ADAM29: variants seen among roughly 807,000 people sequenced by gnomAD.
ADAM29 encodes the protein disintegrin and metalloproteinase domain-containing protein 29.
For synonymous variants in ADAM29, 367 were observed against 342.3 expected (o/e 1.07, Z -0.80); for missense variants, 969 against 1,001.8 (o/e 0.97, Z 0.44).
intron 2 of ADAM29, among the ~76,000 whole-genome samples, chr4:174,930,393 G>C (rs1341389019): frequency 6.6e-6 from 1 of 152,084 alleles, no homozygotes; most frequent in Non-Finnish European, 1.5e-5. Flanking sequence ...TGAGTAACTT[G>C]AGTTCATTCA....
intron 4 of ADAM29, among the ~76,000 whole-genome samples, chr4:174,940,601 C>CG (rs2110971239): frequency 6.6e-6 from 1 of 152,222 alleles, no homozygotes; most frequent in African/African-American, 2.4e-5. Flanking sequence ...ATTTTGCCAA[C>CG]ATTCCTTGCC....
Position 174,977,819 on chromosome 4 carries a change from C to G in ADAM29, c.2294C>G (p.Pro765Arg). The G allele has an allele frequency of 6.3e-7, 1 of 1,586,854 alleles. No individual in the cohort carries two copies. The highest frequency in any genetic ancestry group is 8.6e-7 in the Non-Finnish European group (1 of 1,162,402). ...TCCCAGAGTCAACCTCCTGTGACACCCTCCCAGAGTCAACCTCGGGTGATG... is the reference window on the plus strand; with the variant it reads ...TCCCAGAGTCAACCTCCTGTGACACGCTCCCAGAGTCAACCTCGGGTGATG... ...MPSQSQPPVT[P>R]SQSQPRVMPS... is the part of the protein sequence containing the mutation. The change falls in exon 5 of 5, where the codon CCC becomes CGC. Residue 765 changes from proline (P) to arginine (R), a missense_variant. Pro to Arg is a moderately radical substitution (Grantham distance 103). Coordinates refer to ENST00000359240, the MANE Select transcript of ADAM29 (RefSeq NM_014269.4).
At chr4:174,955,916 A>G (rs568916810) in intron 4 of ADAM29, among the ~76,000 whole-genome samples, 47 of 152,142 alleles carry the variant, frequency 3.1e-4, no homozygotes, top group Admixed American at 2.8e-3. Flanking sequence ...CTGCAATTGA[A>G]ATTAGATATG....
In ADAM29 at chr4:174,943,526, G is replaced by A. The variant is rs146834057; in HGVS notation, c.-181+6513G>A. On this transcript the variant is annotated intron_variant, in intron 4 of 4. Coordinates refer to ENST00000359240, the MANE Select transcript of ADAM29 (RefSeq NM_014269.4). ...TATATAGCAGCAGGAAAGAGAGAGAGCAAGGGAGGATCATCGCTTTCCATC... is the reference window on the plus strand; with the variant it reads ...TATATAGCAGCAGGAAAGAGAGAGAACAAGGGAGGATCATCGCTTTCCATC... Among the ~76,000 whole-genome samples the A allele has an allele frequency of 3.1e-4, 47 of 152,294 alleles. No homozygotes were observed. In the East Asian group the frequency reaches 7.3e-3, roughly 24 times the overall value.
chr4:174,959,186 G>A (rs1166762793), intron 4 of ADAM29, among the ~76,000 whole-genome samples: 1 of 151,730 alleles, frequency 6.6e-6, no homozygotes, highest in Non-Finnish European at 1.5e-5. Flanking sequence ...GTTTTGGTTT[G>A]AGAATATTAC....
intron 2 of ADAM29, among the ~76,000 whole-genome samples, chr4:174,928,099 C>T (rs895162195): frequency 1.3e-5 from 2 of 152,078 alleles, no homozygotes; most frequent in African/African-American, 4.8e-5. Flanking sequence ...CTGCTTAAAA[C>T]GTTTTCCCTA....
At chr4:174,967,009 A>C (rs1391761101) in intron 4 of ADAM29, among the ~76,000 whole-genome samples, 1 of 152,066 alleles carries the variant, frequency 6.6e-6, no homozygotes, top group Admixed American at 6.6e-5. Context: ...TTGTGTACAT[A>C]CTTGTATAGA....
rs1316743835 is a variant in ADAM29 at position 174,925,692 on chromosome 4, A to G, written c.-451+4900A>G. Among the ~76,000 whole-genome samples, 3 of 152,336 alleles carry G rather than the reference A, an allele frequency of 2.0e-5. No homozygotes were observed. The East Asian group carries it at 5.8e-4, about 29-fold the overall frequency. On this transcript the variant is annotated intron_variant, in intron 2 of 4. Coordinates refer to ENST00000359240, the MANE Select transcript of ADAM29 (RefSeq NM_014269.4). ...CCAAAATTAAAATGCCAGGAGAAGT[A>G]TCCATTTCAAAGGGAAAAGGAAGTG...
chr4:174,925,187 G>A (rs1444936604), intron 2 of ADAM29, among the ~76,000 whole-genome samples: 1 of 152,146 alleles, frequency 6.6e-6, no homozygotes, highest in Non-Finnish European at 1.5e-5. Context: ...TCCTGGATGG[G>A]ACCTTGGAAT....
chr4:174,975,434 A>G lies in ADAM29; in HGVS notation c.-92A>G. 7.5e-7 allele frequency: 1 copy of G among 1,328,460 alleles called. No homozygotes were observed. Among genetic ancestry groups the G allele is most frequent in the East Asian group, 2.4e-5 (1 of 41,836 alleles). The allele number at this position is 1,328,460 out of a possible 1,614,324, so 82.3% of individuals were successfully genotyped here. On this transcript the variant is annotated 5_prime_UTR_variant, in exon 5 of 5. Transcript: ENST00000359240. ...TGACCAACTCAGAAGAAGGAGCCACACCACCTGTGACTCCAGCCCTGACTT... is the reference window on the plus strand; with the variant it reads ...TGACCAACTCAGAAGAAGGAGCCACGCCACCTGTGACTCCAGCCCTGACTT...
chr4:174,952,695 T>G (rs1278493853), intron 4 of ADAM29, among the ~76,000 whole-genome samples: 1 of 150,960 alleles, frequency 6.6e-6, no homozygotes, highest in Non-Finnish European at 1.5e-5. Context: ...GTACATGTGT[T>G]TCTGGTATTC....
chr4:174,962,576 T>C (rs546733961), intron 4 of ADAM29, among the ~76,000 whole-genome samples: 1 of 151,870 alleles, frequency 6.6e-6, no homozygotes, highest in East Asian at 1.9e-4. Context: ...TCAGAGTGAC[T>C]GTAACTGATG....
chr4:174,962,450 T>C (rs1403545361), intron 4 of ADAM29, among the ~76,000 whole-genome samples: 1 of 147,898 alleles, frequency 6.8e-6, no homozygotes, highest in Non-Finnish European at 1.5e-5. Flanking sequence ...AAGCAGAGCT[T>C]GCAGTGAGCC....
chr4:174,976,098 G>A lies in ADAM29; in HGVS notation c.573G>A (p.Val191=). Residue 191 remains valine (V), a synonymous_variant, in exon 5 of 5, where the codon GTG becomes GTA. Transcript: ENST00000359240. ...CCACTCAGAAGCAAAGTTCTTATGT[G>A]GGCTGGTGGATCCATTTTAGGATTG... The part of the protein sequence containing the change: ...DNSTQKQSSY[V]GWWIHFRIVE... The A allele has an allele frequency of 6.2e-7, 1 of 1,612,556 alleles. No homozygotes were observed. Among genetic ancestry groups the A allele is most frequent in the Non-Finnish European group, 8.5e-7 (1 of 1,179,828 alleles).
intron 2 of ADAM29, among the ~76,000 whole-genome samples, chr4:174,922,692 TTTTTA>T (rs1411687968): frequency 1.3e-5 from 2 of 151,964 alleles, no homozygotes; most frequent in Admixed American, 1.3e-4. Context: ...TTTGAAACCA[TTTTTA>T]TTTTATTTTT....
Position 174,926,033 on chromosome 4 carries a change from A to G in ADAM29, c.-450-4953A>G, listed in dbSNP as rs114610686. 7.3e-3 allele frequency among the ~76,000 whole-genome samples: 1,116 copies of G among 152,322 alleles called. 10 individuals are homozygous for G. Among genetic ancestry groups the G allele is most frequent in the African/African-American group, 0.025 (1,025 of 41,572 alleles). The stretch of plus-strand genomic sequence containing the variant: ...CTTTATTTCCTATTTTGTGTAAAAA[A>G]AGGAGTATGGATCTTTATACAGATA... On this transcript the variant is annotated intron_variant, in intron 2 of 4. Coordinates refer to ENST00000359240, the MANE Select transcript of ADAM29 (RefSeq NM_014269.4).
At chr4:174,954,417 C>T (rs1049752942) in intron 4 of ADAM29, among the ~76,000 whole-genome samples, 15 of 152,256 alleles carry the variant, frequency 9.9e-5, no homozygotes, top group South Asian at 2.1e-4. Flanking sequence ...ACTTTATTCT[C>T]GTTAAGGCTA....
chr4:174,955,414 GAC>G (rs1244742863), intron 4 of ADAM29, among the ~76,000 whole-genome samples: 4 of 152,050 alleles, frequency 2.6e-5, no homozygotes, highest in Non-Finnish European at 4.4e-5. Flanking sequence ...AGGGTACTCT[GAC>G]ACACAGTTAT....
At chr4:174,950,929 A>G (rs1745134874) in intron 4 of ADAM29, among the ~76,000 whole-genome samples, 1 of 152,102 alleles carries the variant, frequency 6.6e-6, no homozygotes, top group African/African-American at 2.4e-5. Flanking sequence ...ATGGTAAAAC[A>G]TGCTTGCTTC....
Sources: allele counts gnomAD v4.1 joint callset (sites outside exome capture counted in the v4.1 genomes callset), GRCh38; gene constraint gnomAD v4.1.1; transcripts MANE v1.5; gene names NCBI Gene and HGNC (gene_info 2026-07-23, HGNC 2026-07-21).